FAT1: variants seen among roughly 807,000 people sequenced by gnomAD.
FAT1 encodes the protein FAT atypical cadherin 1.
FAT1 carries 171 observed loss-of-function variants against 329.8 expected under a neutral mutation model. The observed-to-expected ratio is 0.52, with a 90% CI of 0.46 to 0.59. The LOEUF is 0.59. Ranked by LOEUF, FAT1 falls within the 20% of genes least tolerant of loss-of-function variation. The pLI is 0.00. For missense variants in FAT1, 5,672 were observed against 5,774.4 expected (o/e 0.98, Z 0.57); for synonymous variants, 2,233 against 2,228.6 (o/e 1.00, Z -0.06).
chr4:186,685,152 C>T (rs1168572802), intron 2 of FAT1, among the ~76,000 whole-genome samples: 1 of 152,136 alleles, frequency 6.6e-6, no homozygotes, highest in Non-Finnish European at 1.5e-5. Flanking sequence ...AGGAAGGGCA[C>T]TCCAAGGGCA....
Position 186,636,182 on chromosome 4 carries a change from A to G in FAT1, c.4026T>C (p.His1342=). 2.5e-6 allele frequency: 4 copies of G among 1,614,038 alleles called. No homozygotes were observed. The highest frequency in any genetic ancestry group is 3.4e-6 in the Non-Finnish European group (4 of 1,179,876). The change falls in exon 6 of 27, where the codon CAT becomes CAC. Residue 1342 remains histidine (H), a synonymous_variant. Transcript: ENST00000441802. The part of the protein sequence containing the change: ...RPQKSSTTRL[H]IEWISKPKPS... ...GTTTGGGCTTGGAGATCCATTCAATATGGAGTCTGGTGGTTGATGACTTTT... is the reference window on the plus strand; with the variant it reads ...GTTTGGGCTTGGAGATCCATTCAATGTGGAGTCTGGTGGTTGATGACTTTT...
At chr4:186,645,985 A>ACC (rs1741365547) in intron 3 of FAT1, among the ~76,000 whole-genome samples, 1 of 149,088 alleles carries the variant, frequency 6.7e-6, no homozygotes, top group African/African-American at 2.5e-5. Context: ...ACACACACAC[A>ACC]CACACACACA....
At chr4:186,683,785 T>C (rs1200206759) in intron 2 of FAT1, among the ~76,000 whole-genome samples, 2 of 152,106 alleles carry the variant, frequency 1.3e-5, no homozygotes, top group African/African-American at 4.8e-5. Flanking sequence ...AGAGCTTCAT[T>C]CTGCTCCCTC....
intron 2 of FAT1, among the ~76,000 whole-genome samples, chr4:186,693,309 A>G (rs1433697131): frequency 6.6e-6 from 1 of 152,240 alleles, no homozygotes; most frequent in African/African-American, 2.4e-5. Flanking sequence ...AAGTAGGAAC[A>G]TGAACACAGT....
At chr4:186,607,810 G>C (rs1225295001) in intron 16 of FAT1, among the ~76,000 whole-genome samples, 1 of 151,982 alleles carries the variant, frequency 6.6e-6, no homozygotes, top group Non-Finnish European at 1.5e-5. Flanking sequence ...TACTGGATAA[G>C]TGGGTGGGTG....
In FAT1 at chr4:186,618,393, C is replaced by A. The variant is rs566097536; in HGVS notation, c.8193G>T (p.Gly2731=). 6 of 1,613,872 alleles carry A rather than the reference C, an allele frequency of 3.7e-6. No homozygotes were observed. The highest frequency in any genetic ancestry group is 5.1e-6 in the Non-Finnish European group (6 of 1,179,904). ...EIDLIRAEHS[G]TVLYSLVKGN... is the part of the protein sequence containing the mutation. ...CTTTGACCAGGCTGTAAAGAACAGT[C>A]CCACTATGTTCTGCTCGGATGAGAT... The change falls in exon 10 of 27, where the codon GGG becomes GGT. Residue 2731 remains glycine (G), a synonymous_variant. Transcript: ENST00000441802.
Position 186,617,827 on chromosome 4 carries a change from G to A in FAT1, c.8759C>T (p.Ala2920Val), listed in dbSNP as rs1739787937. ...DVNDSPPRFTAEIYKGTVSED... is the reference protein window; with the variant it reads ...DVNDSPPRFTVEIYKGTVSED... ...ACTCACAGTCCCTTTATAGATCTCG[G>A]CCGTGAATCGTGGTGGACTATCGTT... Residue 2920 changes from alanine (A) to valine (V), a missense_variant, in exon 10 of 27, where the codon GCC becomes GTC. This residue lies in a region of FAT1 where 3,966 missense variants were observed against 3,915.2 expected (regional missense o/e 1.01). Transcript: ENST00000441802. The A allele has an allele frequency of 6.2e-7, 1 of 1,613,962 alleles. No individual in the cohort carries two copies. Among genetic ancestry groups the A allele is most frequent in the Non-Finnish European group, 8.5e-7 (1 of 1,179,886 alleles).
intron 4 of FAT1, among the ~76,000 whole-genome samples, chr4:186,637,747 C>T (rs1560956890): frequency 6.6e-6 from 1 of 152,168 alleles, no homozygotes; most frequent in Non-Finnish European, 1.5e-5. Context: ...CCCCTATCCA[C>T]ACCCCTACCT....
intron 26 of FAT1, among the ~76,000 whole-genome samples, chr4:186,593,234 T>C (rs1281432826): frequency 6.6e-6 from 1 of 152,246 alleles, no homozygotes; most frequent in East Asian, 1.9e-4. Flanking sequence ...CCTGTTCTGA[T>C]TGCTTTCCCT....
chr4:186,596,074 G>C lies in FAT1; in HGVS notation c.13001-248C>G, dbSNP rs966652458. ...AAATCGCCCATAAGCATGCCTATGG[G>C]TATCATTAGACAGTAAAGGCTGCTA... On this transcript the variant is annotated intron_variant, in intron 25 of 26. Coordinates refer to ENST00000441802, the MANE Select transcript of FAT1 (RefSeq NM_005245.4). This position sits in a 1 kb window ranked among gnomAD's most constrained non-coding sequence, Gnocchi z 4.7. Among the ~76,000 whole-genome samples the C allele has an allele frequency of 6.6e-6, 1 of 152,052 alleles. No individual in the cohort carries two copies. Among genetic ancestry groups the C allele is most frequent in the Non-Finnish European group, 1.5e-5 (1 of 68,006 alleles).
intron 3 of FAT1, among the ~76,000 whole-genome samples, chr4:186,649,611 G>A (rs1002437613): frequency 6.6e-5 from 10 of 152,138 alleles, no homozygotes; most frequent in African/African-American, 2.2e-4. Flanking sequence ...GAGTGGTTCC[G>A]TCACAAGCCA....
In FAT1 at chr4:186,596,922, A is replaced by C; in HGVS notation, c.12618T>G (p.Ile4206Met). The stretch of plus-strand genomic sequence containing the variant: ...CAGCCTGATGCTTCTTTTTCCGACT[A>C]ATCATCTTACGGCAGAGAACAAACA... ...VVVFVLCRKM[I>M]SRKKKHQAEP... The change falls in exon 25 of 27, where the codon ATT becomes ATG. Residue 4206 changes from isoleucine (I) to methionine (M), a missense_variant. Around this residue, in one of 2 missense-constraint regions of FAT1, gnomAD observed 1,706 missense variants for 1,859.1 expected, o/e 0.92. Transcript: ENST00000441802. The surrounding 1 kb of genome is among the most constrained non-coding windows in gnomAD (Gnocchi z 4.7). 1 of 1,613,972 alleles carries C rather than the reference A, an allele frequency of 6.2e-7. No individual in the cohort carries two copies. The highest frequency in any genetic ancestry group is 1.1e-5 in the South Asian group (1 of 91,074).
intron 3 of FAT1, among the ~76,000 whole-genome samples, chr4:186,640,033 C>G (rs1199001261): frequency 6.6e-6 from 1 of 152,104 alleles, no homozygotes; most frequent in East Asian, 1.9e-4. Context: ...AATTGGGAGG[C>G]TGAGGCAGGA....
Position 186,588,620 on chromosome 4 carries a change from A to G in FAT1, c.13739T>C (p.Leu4580Pro). 1 of 1,613,014 alleles carries G rather than the reference A, an allele frequency of 6.2e-7. No homozygotes were observed. Among genetic ancestry groups the G allele is most frequent in the Non-Finnish European group, 8.5e-7 (1 of 1,179,400 alleles). ...GACTTCCGTGTGCTGCTGGGAATCC[A>G]GGGGCGGGATCGTCACCTCTTCGAA... The part of the protein sequence containing the change: ...GHFEEVTIPP[L>P]DSQQHTEV The change falls in exon 27 of 27, where the codon CTG becomes CCG. Residue 4580 changes from leucine to proline, a missense_variant. This residue lies in a region of FAT1 where 1,706 missense variants were observed against 1,859.1 expected (regional missense o/e 0.92). Coordinates refer to ENST00000441802, the MANE Select transcript of FAT1 (RefSeq NM_005245.4).
At chr4:186,683,261 G>A (rs1387526849) in intron 2 of FAT1, among the ~76,000 whole-genome samples, 2 of 152,098 alleles carry the variant, frequency 1.3e-5, no homozygotes, top group African/African-American at 4.8e-5. Context: ...AGCTGAAACT[G>A]TGCGTTCTTT....
chr4:186,602,833 G>T lies in FAT1; in HGVS notation c.11482+70C>A. On this transcript the variant is annotated intron_variant, in intron 20 of 26. Transcript: ENST00000441802. Reference sequence around the variant, plus strand: ...TGCAATATTTTTAGACTCCAATAAAGAAGAAAATGGTAAGAAACAATGAAA... The same window carrying T: ...TGCAATATTTTTAGACTCCAATAAATAAGAAAATGGTAAGAAACAATGAAA... 3.3e-6 allele frequency: 5 copies of T among 1,496,980 alleles called. No individual in the cohort carries two copies. The South Asian group carries it at 6.3e-5, about 19-fold the overall frequency. 92.7% of individuals were successfully genotyped at this position (1,496,980 alleles called of 1,614,324 possible). A position where few individuals can be genotyped will look rare whatever the true frequency, so the allele number is the denominator to read the frequency against.
chr4:186,619,442 C>G lies in FAT1; in HGVS notation c.7144G>C (p.Asp2382His), dbSNP rs374821045. The change falls in exon 10 of 27, where the codon GAC (aspartate) becomes CAC (histidine). Residue 2382 changes from aspartate to histidine, a missense_variant. Physicochemically the swap from Asp to His is moderately conservative, Grantham distance 81. Around this residue, in one of 2 missense-constraint regions of FAT1, gnomAD observed 3,966 missense variants for 3,915.2 expected, o/e 1.01. Coordinates refer to ENST00000441802, the MANE Select transcript of FAT1 (RefSeq NM_005245.4). ...AAGAGTGGTGGATTATCATTGAGGT[C>G]GGTAACGTCCACCGTGACAATCACA... ...SDVIVTVDVT[D>H]LNDNPPLFEQ... is the part of the protein sequence containing the mutation. 17 of 1,613,792 alleles carry G rather than the reference C, an allele frequency of 1.1e-5. No homozygotes were observed. The highest frequency in any genetic ancestry group is 1.4e-5 in the Non-Finnish European group (17 of 1,179,882).
intron 6 of FAT1, among the ~76,000 whole-genome samples, chr4:186,634,299 ATAAAC>A (rs775678482): frequency 3.4e-4 from 52 of 152,254 alleles, no homozygotes; most frequent in Admixed American, 1.4e-3. Context: ...CCTGGCTACT[ATAAAC>A]TATTTGAAAA....
At chr4:186,652,967 TC>T (rs1454556390) in intron 3 of FAT1, among the ~76,000 whole-genome samples, 3 of 152,184 alleles carry the variant, frequency 2.0e-5, no homozygotes, top group Non-Finnish European at 4.4e-5. Context: ...AAATCACATT[TC>T]CTATAGTAAA....
Sources: allele counts gnomAD v4.1 joint callset (sites outside exome capture counted in the v4.1 genomes callset), GRCh38; gene constraint gnomAD v4.1.1; regional missense constraint gnomAD v4.1.1; non-coding constraint Gnocchi (gnomAD v3.1); transcripts MANE v1.5; gene names NCBI Gene and HGNC (gene_info 2026-07-23, HGNC 2026-07-21).